COL11A1: variants seen among roughly 807,000 people sequenced by gnomAD.
The protein encoded by COL11A1 is collagen alpha-1(XI) chain.
In COL11A1, 74 loss-of-function variants were observed where a neutral mutation model predicts 265.2. The ratio of observed to expected loss-of-function variants is 0.28; its 90% CI spans 0.23 to 0.34. COL11A1 has a LOEUF of 0.34. Ranked by LOEUF, COL11A1 falls within the 10% of genes least tolerant of loss-of-function variation. COL11A1 has a pLI of 1.00. For synonymous variants in COL11A1, 816 were observed against 727.6 expected (o/e 1.12, Z -1.96); for missense variants, 2,165 against 2,263.6 (o/e 0.96, Z 0.88).
At chr1:103,056,451 A>G (rs1670257637) in intron 4 of COL11A1, among the ~76,000 whole-genome samples, 1 of 152,192 alleles carries the variant, frequency 6.6e-6, no homozygotes, top group Non-Finnish European at 1.5e-5. Flanking sequence ...AACTTCCAAG[A>G]GTTAAAAACA....
At chr1:103,038,790 A>T (rs1668579949) in intron 4 of COL11A1, among the ~76,000 whole-genome samples, 1 of 152,182 alleles carries the variant, frequency 6.6e-6, no homozygotes, top group Non-Finnish European at 1.5e-5. Context: ...TTTCAATAAA[A>T]GTGTTGAGAA....
intron 6 of COL11A1, 130 bp from the exon 7 acceptor site, chr1:103,025,743 T>C: frequency 6.2e-7 from 1 of 1,600,794 alleles, no homozygotes; most frequent in South Asian, 1.1e-5. Context: ...CTATGATTCA[T>C]GATCAGAGAT....
Position 102,946,883 on chromosome 1 carries a change from C to T in COL11A1, c.3242G>A (p.Gly1081Asp), listed in dbSNP as rs1659345574. 4 of 1,613,488 alleles carry T rather than the reference C, an allele frequency of 2.5e-6. No individual in the cohort carries two copies. Among genetic ancestry groups the T allele is most frequent in the Admixed American group, 3.3e-5 (2 of 59,904 alleles). Residue 1081 changes from glycine (G) to aspartate (D), a missense_variant, in exon 42 of 67, where the codon GGT becomes GAT. Transcript: ENST00000370096. Reference sequence around the variant, plus strand: ...TTTCTCTCCAGCTGGACCAGGAGGACCCTGAGGTCCCGGGCGCCCTGGTAA... The same window carrying T: ...TTTCTCTCCAGCTGGACCAGGAGGATCCTGAGGTCCCGGGCGCCCTGGTAA... ...IGLPGRPGPQ[G>D]PPGPAGEKGA... is the part of the protein sequence containing the mutation.
Position 102,918,601 on chromosome 1 carries a change from AAAC to A in COL11A1, c.3762+1707_3762+1709del, listed in dbSNP as rs869262511. Among the ~76,000 whole-genome samples, 3 of 142,262 alleles carry A rather than the reference AAAC, an allele frequency of 2.1e-5. No individual in the cohort carries two copies. The East Asian group carries it at 5.9e-4, about 28-fold the overall frequency. 93.3% of individuals were successfully genotyped at this position (142,262 alleles called of 152,430 possible). A position where few individuals can be genotyped will look rare whatever the true frequency, so the allele number is the denominator to read the frequency against. On this transcript the variant is annotated intron_variant, in intron 49 of 66. Coordinates refer to ENST00000370096, the MANE Select transcript of COL11A1 (RefSeq NM_001854.4). Reference sequence around the variant, plus strand: ...CAACAACAACAAAAAACAAACAAACAAACAAAAAAATGAAGGTTAGAATTCTGC... The same window carrying A: ...CAACAACAACAAAAAACAAACAAACAAAAAAAATGAAGGTTAGAATTCTGC...
At chr1:102,958,694 T>TATTTGATTTGCAA (rs1488368200) in intron 41 of COL11A1, among the ~76,000 whole-genome samples, 5 of 152,216 alleles carry the variant, frequency 3.3e-5, no homozygotes, top group Non-Finnish European at 4.4e-5. Context: ...GATGTTTGCA[T>TATTTGATTTGCAA]ATTTGATTTG....
chr1:102,990,620 T>C (rs115808790), intron 28 of COL11A1, among the ~76,000 whole-genome samples: 2,676 of 152,178 alleles, frequency 0.018, 88 homozygotes, highest in African/African-American at 0.062. Context: ...ATCTCTTAAG[T>C]TCAAGAAAAA....
Position 103,108,289 on chromosome 1 carries a change from G to C in COL11A1, c.-111C>G, listed in dbSNP as rs1674875051. 1 of 808,284 alleles carries C rather than the reference G, an allele frequency of 1.2e-6. No homozygotes were observed. Among genetic ancestry groups the C allele is most frequent in the African/African-American group, 1.7e-5 (1 of 59,110 alleles). The allele number at this position is 808,284 out of a possible 1,614,324, so 50.1% of individuals were successfully genotyped here. ...GGATGTTTGCTACACAGCCATTGGG[G>C]AGGGAGAGGGGGAAAAAGTCAAAGG... is the stretch of plus-strand genomic sequence containing the variant. On this transcript the variant is annotated 5_prime_UTR_variant, in exon 1 of 67. Transcript: ENST00000370096.
chr1:102,991,070 G>A (rs1664081497), intron 28 of COL11A1, among the ~76,000 whole-genome samples: 1 of 151,922 alleles, frequency 6.6e-6, no homozygotes, highest in Non-Finnish European at 1.5e-5. Flanking sequence ...ACAACTGAAA[G>A]TGGGACATTT....
intron 10 of COL11A1, among the ~76,000 whole-genome samples, chr1:103,018,287 C>A (rs1666723784): frequency 6.6e-6 from 1 of 152,070 alleles, no homozygotes; most frequent in African/African-American, 2.4e-5. Context: ...TTAAATGCAT[C>A]AGTATCATAT....
At chr1:102,973,767 T>C (rs957165686) in intron 36 of COL11A1, among the ~76,000 whole-genome samples, 2 of 152,232 alleles carry the variant, frequency 1.3e-5, no homozygotes, top group Non-Finnish European at 2.9e-5. Flanking sequence ...ACTTTCCTAA[T>C]ATCTTTGCAG....
chr1:102,899,046 TA>T (rs1652829776), intron 54 of COL11A1, 52 bp from the exon 55 acceptor site: 1 of 1,049,558 alleles, frequency 9.5e-7, no homozygotes, highest in Non-Finnish European at 1.4e-6. Context: ...AAAGTAATGT[TA>T]ATGAGCACTT....
chr1:103,004,709 GT>G, intron 18 of COL11A1, 48 bp from the exon 19 acceptor site: 2 of 1,491,496 alleles, frequency 1.3e-6, no homozygotes, highest in Non-Finnish European at 1.9e-6. Flanking sequence ...GAAGTAGAAT[GT>G]TTACAAGTCT....
At chr1:103,012,604 G>T in intron 13 of COL11A1, 135 bp from the exon 14 acceptor site, 1 of 713,920 alleles carries the variant, frequency 1.4e-6, no homozygotes, top group Non-Finnish European at 2.5e-6. Flanking sequence ...TAGAAAGAGT[G>T]TCAGGTTACT....
intron 63 of COL11A1, 28 bp from the exon 64 acceptor site, chr1:102,883,339 TA>T (rs772849014): frequency 2.9e-6 from 4 of 1,391,520 alleles, no homozygotes. Context: ...ATATGTCATA[TA>T]AAAATTCATT....
At chr1:102,982,991 G>T (rs2101707019) in intron 31 of COL11A1, among the ~76,000 whole-genome samples, 1 of 152,094 alleles carries the variant, frequency 6.6e-6, no homozygotes. Flanking sequence ...ATAACTAAAA[G>T]AATGATAAAA....
At chr1:103,000,331 C>A (rs967896440) in intron 24 of COL11A1, among the ~76,000 whole-genome samples, 3 of 151,814 alleles carry the variant, frequency 2.0e-5, no homozygotes, top group African/African-American at 7.2e-5. Flanking sequence ...TAGTGCTGTG[C>A]AGCTATGTCT....
chr1:103,072,367 T>C (rs1671661263), intron 4 of COL11A1, among the ~76,000 whole-genome samples: 1 of 151,934 alleles, frequency 6.6e-6, no homozygotes, highest in Non-Finnish European at 1.5e-5. Context: ...ATCTGACTTA[T>C]GCTATGCCTG....
chr1:103,088,560 A>C (rs1673054664), intron 1 of COL11A1, among the ~76,000 whole-genome samples: 1 of 152,212 alleles, frequency 6.6e-6, no homozygotes, highest in South Asian at 2.1e-4. Context: ...TTCAGCTTTC[A>C]TAAAGAAAGT....
At chr1:102,923,431 C>A (rs767067720) in intron 46 of COL11A1, 42 bp from the exon 47 acceptor site, 4 of 1,453,858 alleles carry the variant, frequency 2.8e-6, no homozygotes, top group Admixed American at 2.0e-5. Context: ...TCACTGATGT[C>A]TTTAAAAAAA....
Sources: allele counts gnomAD v4.1 joint callset (sites outside exome capture counted in the v4.1 genomes callset), GRCh38; gene constraint gnomAD v4.1.1; transcripts MANE v1.5; gene names NCBI Gene and HGNC (gene_info 2026-07-23, HGNC 2026-07-21).